The following ADGRB3 variants were observed in gnomAD, a reference collection of about 807,000 sequenced individuals.
ADGRB3 encodes adhesion G protein-coupled receptor B3.
In ADGRB3, 37 loss-of-function variants were observed where a neutral mutation model predicts 193.4. That is an observed-to-expected ratio of 0.19 (90% CI 0.15 to 0.25). The LOEUF (loss-of-function observed/expected upper bound fraction) is 0.25. Ranked by LOEUF, ADGRB3 falls within the 10% of genes least tolerant of loss-of-function variation. The probability of loss-of-function intolerance (pLI) is 1.00; values close to 1 mark genes in which losing one functional copy is unlikely to be tolerated. For missense variants in ADGRB3, 1,637 were observed against 1,852.9 expected, an observed-to-expected ratio of 0.88 and a Z score of 2.14; for synonymous variants, 690 against 644.2, an observed-to-expected ratio of 1.07 and a Z score of -1.08.
intron 13 of ADGRB3, among the ~76,000 whole-genome samples, chr6:69,031,046 C>A (rs62416770): frequency 0.019 from 386 of 19,824 alleles, 3 homozygotes; most frequent in Non-Finnish European, 0.027. Flanking sequence ...TCTCTCTTCT[C>A]TTCTCTTCTC....
chr6:68,668,614 G>A (rs1329304138), intron 3 of ADGRB3, among the ~76,000 whole-genome samples: 1 of 151,842 alleles, frequency 6.6e-6, no homozygotes, highest in African/African-American at 2.4e-5. Context: ...CAAGAAAGAT[G>A]GTGTTTATTC....
At chr6:68,647,812 C>G (rs185141665) in intron 3 of ADGRB3, among the ~76,000 whole-genome samples, 455 of 152,176 alleles carry the variant, frequency 3.0e-3, no homozygotes, top group African/African-American at 8.4e-3. Context: ...AAGAAATTAT[C>G]TTGAAATGCT....
rs973487612 is a variant in ADGRB3, at chr6:69,032,212, T to C, written c.2107+13713T>C. ...ATAGGTCTTCCCCAGTTGACTTCAT[T>C]GTTATTTCCGAGATAAACTCCTTCA... On this transcript the variant is annotated intron_variant, in intron 13 of 31. Coordinates refer to ENST00000370598, the MANE Select transcript of ADGRB3 (RefSeq NM_001704.3). Among the ~76,000 whole-genome samples the C allele has an allele frequency of 3.5e-4, 54 of 152,194 alleles. 1 individual carries two copies. The highest frequency in any genetic ancestry group is 1.8e-4 in the Non-Finnish European group (12 of 68,026).
chr6:68,898,857 T>C (rs1766315495), intron 3 of ADGRB3, among the ~76,000 whole-genome samples: 1 of 152,118 alleles, frequency 6.6e-6, no homozygotes, highest in African/African-American at 2.4e-5. Flanking sequence ...AGAAAATACA[T>C]GACTAGTGCA....
chr6:69,158,376 G>A (rs1176768948), intron 17 of ADGRB3, among the ~76,000 whole-genome samples: 6 of 149,574 alleles, frequency 4.0e-5, no homozygotes, highest in Non-Finnish European at 8.9e-5. Context: ...ATTAAACTTA[G>A]ATTGAAAAAC....
At chr6:69,167,134 C>T (rs937833033) in intron 17 of ADGRB3, among the ~76,000 whole-genome samples, 9 of 152,116 alleles carry the variant, frequency 5.9e-5, no homozygotes, top group South Asian at 4.1e-4. Context: ...CCATGCATCA[C>T]TTATAGAGAG....
intron 17 of ADGRB3, among the ~76,000 whole-genome samples, chr6:69,212,521 A>T (rs1181965879): frequency 5.6e-5 from 6 of 107,520 alleles, no homozygotes; most frequent in Admixed American, 4.4e-4. Flanking sequence ...GTGTTATTTT[A>T]AAAGAAAAAA....
intron 3 of ADGRB3, among the ~76,000 whole-genome samples, chr6:68,832,611 T>C (rs1194900045): frequency 6.6e-6 from 1 of 152,192 alleles, no homozygotes; most frequent in East Asian, 1.9e-4. Flanking sequence ...TCTAATTTTT[T>C]CATTGCATCA....
At chr6:68,834,003 C>T (rs1423420070) in intron 3 of ADGRB3, among the ~76,000 whole-genome samples, 1 of 140,838 alleles carries the variant, frequency 7.1e-6, no homozygotes, top group South Asian at 2.3e-4. Flanking sequence ...GCACCAAGCA[C>T]AGTGCTTACA....
intron 29 of ADGRB3, among the ~76,000 whole-genome samples, chr6:69,369,100 T>A (rs1050090103): frequency 6.6e-5 from 10 of 152,292 alleles, no homozygotes; most frequent in African/African-American, 2.4e-4. Flanking sequence ...GTAGCATTTT[T>A]AAAAGTTATC....
At chr6:69,156,878 T>C (rs1217634631) in intron 17 of ADGRB3, among the ~76,000 whole-genome samples, 1 of 152,196 alleles carries the variant, frequency 6.6e-6, no homozygotes, top group Non-Finnish European at 1.5e-5. Flanking sequence ...CTCAGGGATG[T>C]TGGGTAACAC....
At chr6:69,088,984 G>T (rs1249934481) in intron 17 of ADGRB3, among the ~76,000 whole-genome samples, 1 of 152,204 alleles carries the variant, frequency 6.6e-6, no homozygotes, top group Non-Finnish European at 1.5e-5. Context: ...AGCAATTCTT[G>T]TGTGTTGATA....
chr6:69,231,622 G>A (rs575527647), intron 17 of ADGRB3, among the ~76,000 whole-genome samples: 2 of 152,296 alleles, frequency 1.3e-5, no homozygotes, highest in African/African-American at 4.8e-5. Context: ...TACAGTTAGG[G>A]AGAATTGGAG....
intron 3 of ADGRB3, among the ~76,000 whole-genome samples, chr6:68,912,638 G>A (rs1446385065): frequency 1.3e-5 from 2 of 151,994 alleles, no homozygotes; most frequent in Non-Finnish European, 2.9e-5. Flanking sequence ...TTGTCCTTGC[G>A]ATAGTTTACT....
At chr6:69,073,041 C>T (rs1006002831) in intron 16 of ADGRB3, among the ~76,000 whole-genome samples, 2 of 152,156 alleles carry the variant, frequency 1.3e-5, no homozygotes, top group Admixed American at 1.3e-4. Context: ...TAGCATAGGC[C>T]ATGACACTCC....
chr6:69,031,561 T>TTCTTTCTTTCTTTCTTTCTTTCTCTCTC (rs1170990937), intron 13 of ADGRB3, among the ~76,000 whole-genome samples: 1 of 133,870 alleles, frequency 7.5e-6, no homozygotes, highest in African/African-American at 2.7e-5. Context: ...TTTTCTTTCT[T>TTCTTTCTTTCTTTCTTTCTTTCTCTCTC]TCTTTTCTTC....
Position 69,321,137 on chromosome 6 carries a change from C to T in ADGRB3, c.2815-3735C>T, listed in dbSNP as rs1035764870. The stretch of plus-strand genomic sequence containing the variant: ...AAGGAATTTCTCACAGTCTCTAGTC[C>T]ATCACAGTTAACACTTCTTATTTTT... On this transcript the variant is annotated intron_variant, in intron 20 of 31. Coordinates refer to ENST00000370598, the MANE Select transcript of ADGRB3 (RefSeq NM_001704.3). Among the ~76,000 whole-genome samples, 5 of 151,632 alleles carry T rather than the reference C, an allele frequency of 3.3e-5. No homozygotes were observed. In the Admixed American group the frequency reaches 3.3e-4, roughly 10 times the overall value.
chr6:68,978,343 G>C (rs1768809369), intron 10 of ADGRB3, among the ~76,000 whole-genome samples: 1 of 105,708 alleles, frequency 9.5e-6, no homozygotes, highest in Admixed American at 8.9e-5. Context: ...TAGATAGATA[G>C]GTAGGTAGAT....
intron 8 of ADGRB3, among the ~76,000 whole-genome samples, chr6:68,965,561 C>G (rs1319545471): frequency 1.3e-5 from 2 of 151,952 alleles, no homozygotes; most frequent in Non-Finnish European, 2.9e-5. Flanking sequence ...TGATTTAAGC[C>G]CTGTATCATT....
Sources: gnomAD v4.1 joint callset for allele counts (sites outside exome capture counted in the v4.1 genomes callset) on GRCh38, gnomAD v4.1.1 for gene constraint, MANE v1.5 for transcripts, NCBI Gene and HGNC (gene_info 2026-07-23, HGNC 2026-07-21) for gene names.